TMEM132B: variants seen among roughly 807,000 people sequenced by gnomAD.
The protein encoded by TMEM132B is transmembrane protein 132B.
Under a neutral mutation model 90.8 loss-of-function variants are expected in TMEM132B, and 18 were observed. That is an observed-to-expected ratio of 0.20 (90% CI 0.14 to 0.29). The LOEUF (loss-of-function observed/expected upper bound fraction) is 0.29. TMEM132B is among the 10% of genes least tolerant of loss of function. The pLI is 1.00. For synonymous variants in TMEM132B, 504 were observed against 523.3 expected, an observed-to-expected ratio of 0.96 and a Z score of 0.50; for missense variants, 1,096 against 1,326.8, an observed-to-expected ratio of 0.83 and a Z score of 2.70.
At chr12:125,474,108 C>T (rs1029384626) in intron 3 of TMEM132B, among the ~76,000 whole-genome samples, 14 of 126,918 alleles carry the variant, frequency 1.1e-4, no homozygotes, top group East Asian at 9.1e-4. Flanking sequence ...TCCTTTCTTC[C>T]GTCTTTCTGT....
chr12:125,236,734 C>T (rs1482235394), intron 1 of TMEM132B, among the ~76,000 whole-genome samples: 1 of 152,266 alleles, frequency 6.6e-6, no homozygotes, highest in African/African-American at 2.4e-5. Flanking sequence ...CTGTCTCCTG[C>T]ACCTTTCCTG....
chr12:125,639,913 C>T (rs1157018756), intron 5 of TMEM132B, among the ~76,000 whole-genome samples: 2 of 152,152 alleles, frequency 1.3e-5, no homozygotes, highest in African/African-American at 4.8e-5. Context: ...GCCACAAGAA[C>T]GACAATCACC....
intron 4 of TMEM132B, among the ~76,000 whole-genome samples, chr12:125,555,476 G>A (rs1319862783): frequency 1.3e-5 from 2 of 148,432 alleles, no homozygotes; most frequent in Non-Finnish European, 1.5e-5. Context: ...TTTAGAGAAA[G>A]GAAAGAAAAA....
In TMEM132B at chr12:125,605,945, G is replaced by A. The variant is rs139631643; in HGVS notation, c.1437+21951G>A. 7.3e-4 allele frequency among the ~76,000 whole-genome samples: 111 copies of A among 152,246 alleles called. 3 individuals are homozygous for A. Among genetic ancestry groups the A allele is most frequent in the Middle Eastern group, 6.8e-3 (2 of 294 alleles). On this transcript the variant is annotated intron_variant, in intron 5 of 8. Transcript: ENST00000682704. ...TGATGTATGATACATTGTGAAAGCT[G>A]GCATCAGAAACAAGAGGGTAAAAAT...
rs745625674 is a variant in TMEM132B, at chr12:125,583,872, G to A, written c.1315G>A (p.Ala439Thr). Reference protein sequence around the residue: ...LAMDTEVLNTAILTGKPVSVP... With the variant: ...LAMDTEVLNTTILTGKPVSVP... ...TTAGGACACCGAGGTTTTGAACACT[G>A]CCATTCTCACTGGAAAGCCTGTTTC... Residue 439 changes from alanine to threonine, a missense_variant, in exon 5 of 9, where the codon GCC becomes ACC. Ala to Thr is a moderately conservative substitution (Grantham distance 58, BLOSUM62 0). Transcript: ENST00000682704. The A allele has an allele frequency of 6.2e-7, 1 of 1,614,050 alleles. No homozygotes were observed. Among genetic ancestry groups the A allele is most frequent in the Non-Finnish European group, 8.5e-7 (1 of 1,179,994 alleles).
chr12:125,379,956 C>T (rs569320337), intron 2 of TMEM132B, among the ~76,000 whole-genome samples: 1 of 151,850 alleles, frequency 6.6e-6, no homozygotes, highest in East Asian at 1.9e-4. Flanking sequence ...TATTTTGCTC[C>T]TGTCTCTCTG....
At chr12:125,620,777 A>G (rs529469983) in intron 5 of TMEM132B, among the ~76,000 whole-genome samples, 4 of 152,348 alleles carry the variant, frequency 2.6e-5, no homozygotes, top group Non-Finnish European at 4.4e-5. Flanking sequence ...AGTAACAAGC[A>G]AAAAGGGAAA....
At chr12:125,586,018 A>G (rs1057129355) in intron 5 of TMEM132B, 2 of 152,218 alleles carry the variant, frequency 1.3e-5, no homozygotes, top group African/African-American at 4.8e-5. Flanking sequence ...AAATTTTACT[A>G]TAACTCCAAG....
intron 3 of TMEM132B, among the ~76,000 whole-genome samples, chr12:125,451,492 A>C (rs570009757): frequency 3.3e-4 from 50 of 152,204 alleles, no homozygotes; most frequent in Admixed American, 3.2e-3. Flanking sequence ...CAATAAATGA[A>C]TCTGGGTATT....
At position 125,409,725 on chromosome 12, in the gene TMEM132B, TGAGTG is replaced by T. The variant is rs1297601129; in HGVS notation, c.960-5785_960-5781del. ...GTGGAGTGGAGTGAGTGGAGTGGAGTGAGTGGAGTGGAGTGGAGTGGAGTGAGTGG... is the reference window on the plus strand; with the variant it reads ...GTGGAGTGGAGTGAGTGGAGTGGAGTGAGTGGAGTGGAGTGGAGTGAGTGG... On this transcript the variant is annotated intron_variant, in intron 2 of 8. Transcript: ENST00000682704. Among the ~76,000 whole-genome samples the T allele has an allele frequency of 1.1e-3, 20 of 17,640 alleles. 2 individuals are homozygous for T. Among genetic ancestry groups the T allele is most frequent in the South Asian group, 5.2e-3 (2 of 384 alleles). 11.6% of individuals were successfully genotyped at this position (17,640 alleles called of 152,430 possible).
At chr12:125,245,968 C>T (rs1402336598) in intron 1 of TMEM132B, among the ~76,000 whole-genome samples, 1 of 152,200 alleles carries the variant, frequency 6.6e-6, no homozygotes, top group Non-Finnish European at 1.5e-5. Context: ...ATCTCTGCAG[C>T]CAGATGCAGG....
intron 4 of TMEM132B, among the ~76,000 whole-genome samples, chr12:125,528,258 G>T (rs567612142): frequency 2.0e-5 from 3 of 151,942 alleles, no homozygotes; most frequent in African/African-American, 7.3e-5. Context: ...GGGTGGCTTG[G>T]TGTTGAGGGC....
At chr12:125,298,571 G>A (rs972942518) in intron 1 of TMEM132B, among the ~76,000 whole-genome samples, 2 of 148,922 alleles carry the variant, frequency 1.3e-5, no homozygotes, top group Admixed American at 6.7e-5. Flanking sequence ...CTGCTCGGGA[G>A]GCTGAGGCAG....
intron 3 of TMEM132B, among the ~76,000 whole-genome samples, chr12:125,488,973 C>T (rs1189483858): frequency 1.3e-5 from 2 of 152,184 alleles, no homozygotes; most frequent in Non-Finnish European, 2.9e-5. Flanking sequence ...CGGAATAAGG[C>T]TGAATTGGAA....
At chr12:125,560,607 G>A (rs2136791089) in intron 4 of TMEM132B, among the ~76,000 whole-genome samples, 1 of 151,764 alleles carries the variant, frequency 6.6e-6, no homozygotes, top group East Asian at 1.9e-4. Flanking sequence ...TGGATCATGA[G>A]GTCAGGAGAT....
chr12:125,658,697 C>G lies in TMEM132B; in HGVS notation c.*3987C>G, dbSNP rs749436285. On this transcript the variant is annotated 3_prime_UTR_variant, in exon 9 of 9. Transcript: ENST00000682704. Reference sequence around the variant, plus strand: ...TAATATAGGCAATATAATGAAACACCGAGTTTTTTAAAGTGAAAGCATGCA... The same window carrying G: ...TAATATAGGCAATATAATGAAACACGGAGTTTTTTAAAGTGAAAGCATGCA... 1 of 152,060 alleles carries G rather than the reference C, an allele frequency of 6.6e-6. No homozygotes were observed. Among genetic ancestry groups the G allele is most frequent in the Non-Finnish European group, 1.5e-5 (1 of 68,012 alleles). The allele number at this position is 152,060 out of a possible 1,614,324, so 9.4% of individuals were successfully genotyped here.
intron 2 of TMEM132B, among the ~76,000 whole-genome samples, chr12:125,412,995 G>A (rs1359055742): frequency 6.6e-6 from 1 of 152,028 alleles, no homozygotes; most frequent in Admixed American, 6.6e-5. Context: ...GACTTTTTGG[G>A]GCGTGCAAGA....
chr12:125,494,635 A>G (rs1165946920), intron 3 of TMEM132B, among the ~76,000 whole-genome samples: 32 of 75,128 alleles, frequency 4.3e-4, no homozygotes, highest in African/African-American at 7.5e-4. Context: ...CTCCTCCCTG[A>G]AAATGGCCAT....
At chr12:125,299,947 C>G (rs1224809683) in intron 1 of TMEM132B, among the ~76,000 whole-genome samples, 2 of 152,240 alleles carry the variant, frequency 1.3e-5, no homozygotes, top group Non-Finnish European at 2.9e-5. Context: ...TGGCTTCCTT[C>G]CTCACTCAGA....
Sources: gnomAD v4.1 joint callset for allele counts (sites outside exome capture counted in the v4.1 genomes callset) on GRCh38, gnomAD v4.1.1 for gene constraint, MANE v1.5 for transcripts, NCBI Gene and HGNC (gene_info 2026-07-23, HGNC 2026-07-21) for gene names.